The following ULK3 variants were observed in gnomAD, a reference collection of about 807,000 sequenced individuals.
ULK3 encodes the protein serine/threonine-protein kinase ULK3.
Under a neutral mutation model 69.4 loss-of-function variants are expected in ULK3, and 54 were observed. The observed-to-expected ratio is 0.78, with a 90% confidence interval of 0.63 to 0.98. The LOEUF (loss-of-function observed/expected upper bound fraction) is 0.98. Among genes scored for constraint, ULK3 ranks in the 50% least tolerant of loss-of-function variants. ULK3 has a pLI of 0.00. For missense variants in ULK3, 558 were observed against 627.7 expected (o/e 0.89, Z 1.19); for synonymous variants, 240 against 254.5 (o/e 0.94, Z 0.54).
chr15:74,842,905 C>T lies in ULK3; in HGVS notation c.102+99G>A. On this transcript the variant is annotated intron_variant, in intron 1 of 15. Coordinates refer to ENST00000440863, the MANE Select transcript of ULK3 (RefSeq NM_001099436.4). This position sits in a 1 kb window ranked among gnomAD's most constrained non-coding sequence, Gnocchi z 4.9. ...GCTGGGGCGAGGCCGGCCTCCCGCC[C>T]CTAACTATTCCCACACTGTCGCTAA... 2 of 1,395,568 alleles carry T rather than the reference C, an allele frequency of 1.4e-6. No homozygotes were observed. Among genetic ancestry groups the T allele is most frequent in the African/African-American group, 1.4e-5 (1 of 69,448 alleles). 86.4% of individuals were successfully genotyped at this position (1,395,568 alleles called of 1,614,324 possible). A position where few individuals can be genotyped will look rare whatever the true frequency, so the allele number is the denominator to read the frequency against.
chr15:74,838,409 A>ACCCAC, intron 11 of ULK3, 31 bp downstream of exon 11: 3 of 1,563,640 alleles, frequency 1.9e-6, no homozygotes, highest in Non-Finnish European at 2.6e-6. Context: ...CCCTGCCCCG[A>ACCCAC]CCCACCTGGA....
At position 74,838,739 on chromosome 15, in the gene ULK3, G is replaced by T; in HGVS notation, c.1006C>A (p.Gln336Lys). The T allele has an allele frequency of 6.2e-7, 1 of 1,605,748 alleles. No individual in the cohort carries two copies. ...AGCTCCTCAGCCCGGGACACGTACT[G>T]CCCCACCTGTAGCAGGGAAAGGGCC... ...RKEAIKAKVG[Q>K]YVSRAEELKA... Residue 336 changes from glutamine to lysine, a missense_variant, in exon 10 of 16, where the codon CAG becomes AAG. Physicochemically the swap from Gln to Lys is moderately conservative, Grantham distance 53. Coordinates refer to ENST00000440863, the MANE Select transcript of ULK3 (RefSeq NM_001099436.4).
Position 74,842,972 on chromosome 15 carries a change from G to C in ULK3, c.102+32C>G. 6.5e-7 allele frequency: 1 copy of C among 1,538,668 alleles called. No homozygotes were observed. On this transcript the variant is annotated intron_variant, in intron 1 of 15. Transcript: ENST00000440863. This position sits in a 1 kb window ranked among gnomAD's most constrained non-coding sequence, Gnocchi z 4.9. ...CGGCCGGCACCAGCCGAGCTAGCTCGGGCGGGCACGGGGCCATCGGCCGGC... is the reference window on the plus strand; with the variant it reads ...CGGCCGGCACCAGCCGAGCTAGCTCCGGCGGGCACGGGGCCATCGGCCGGC...
Position 74,840,598 on chromosome 15 carries a change from G to A in ULK3, c.513C>T (p.His171=), listed in dbSNP as rs767576893. ...AQHMSPWDEK[H]VLRGSPLYMA... ...TGTAGAGGGGGGAGCCACGGAGCACGTGCTTCTCATCCCACGGGGACATGT... is the reference window on the plus strand; with the variant it reads ...TGTAGAGGGGGGAGCCACGGAGCACATGCTTCTCATCCCACGGGGACATGT... Residue 171 remains histidine (H), a synonymous_variant, in exon 5 of 16, where the codon CAC becomes CAT. Coordinates refer to ENST00000440863, the MANE Select transcript of ULK3 (RefSeq NM_001099436.4). The A allele has an allele frequency of 1.0e-5, 16 of 1,604,024 alleles. No homozygotes were observed. The highest frequency in any genetic ancestry group is 3.3e-5 in the South Asian group (3 of 89,952).
chr15:74,840,718 C>G, intron 4 of ULK3, 77 bp from the exon 5 acceptor site: 1 of 1,484,740 alleles, frequency 6.7e-7, no homozygotes, highest in Non-Finnish European at 8.9e-7. Context: ...TCACCCCAGG[C>G]TCCTCTCCAC....
At position 74,840,492 on chromosome 15, in the gene ULK3, T is replaced by A; in HGVS notation, c.613+6A>T. Reference sequence around the variant, plus strand: ...CAGGGTGAGAAGCAGGGAAAAGAGGTCTCACCATACAGGATGACCCCCATG... The same window carrying A: ...CAGGGTGAGAAGCAGGGAAAAGAGGACTCACCATACAGGATGACCCCCATG... On this transcript the variant is annotated splice_donor_region_variant and intron_variant, in intron 5 of 15. Coordinates refer to ENST00000440863, the MANE Select transcript of ULK3 (RefSeq NM_001099436.4). 6.2e-7 allele frequency: 1 copy of A among 1,602,486 alleles called. No individual in the cohort carries two copies. Among genetic ancestry groups the A allele is most frequent in the Non-Finnish European group, 8.5e-7 (1 of 1,175,062 alleles).
rs2064271324 is a variant in ULK3 at position 74,842,047 on chromosome 15, G to A, written c.364+28C>T. On this transcript the variant is annotated intron_variant, in intron 3 of 15. Transcript: ENST00000440863. The surrounding 1 kb of genome is among the most constrained non-coding windows in gnomAD (Gnocchi z 4.9). ...TGGGGGGCAGAGAACAAGGGACAGAGTGTCAGGCTGGTGTCACAGGCCTTT... is the reference window on the plus strand; with the variant it reads ...TGGGGGGCAGAGAACAAGGGACAGAATGTCAGGCTGGTGTCACAGGCCTTT... 3.1e-6 allele frequency: 5 copies of A among 1,613,130 alleles called. No homozygotes were observed. Among genetic ancestry groups the A allele is most frequent in the Non-Finnish European group, 3.4e-6 (4 of 1,179,824 alleles).
In ULK3 at chr15:74,843,117, G is replaced by A. The variant is rs1205493813; in HGVS notation, c.-12C>T. ...CCGGGCCCCGCCATTCCGGCCGCCT[G>A]CGCCCGCGCGGGCGCTTCCTCGCTG... On this transcript the variant is annotated 5_prime_UTR_variant, in exon 1 of 16. Coordinates refer to ENST00000440863, the MANE Select transcript of ULK3 (RefSeq NM_001099436.4). 3.1e-6 allele frequency: 4 copies of A among 1,271,998 alleles called. No homozygotes were observed. The South Asian group carries it at 9.1e-5, about 29-fold the overall frequency. 78.8% of individuals were successfully genotyped at this position (1,271,998 alleles called of 1,614,324 possible). A position where few individuals can be genotyped will look rare whatever the true frequency, so the allele number is the denominator to read the frequency against.
chr15:74,839,875 C>A (rs954477265), intron 6 of ULK3, among the ~76,000 whole-genome samples, 162 bp from the exon 7 acceptor site: 1 of 152,116 alleles, frequency 6.6e-6, no homozygotes, highest in Non-Finnish European at 1.5e-5. Flanking sequence ...CAGCGGGGAG[C>A]GAGGCCTCCA....
In ULK3 at chr15:74,843,075, G is replaced by C; in HGVS notation, c.31C>G (p.Leu11Val). 2 of 1,420,320 alleles carry C rather than the reference G, an allele frequency of 1.4e-6. No homozygotes were observed. The highest frequency in any genetic ancestry group is 1.9e-6 in the Non-Finnish European group (2 of 1,077,028). 88.0% of individuals were successfully genotyped at this position (1,420,320 alleles called of 1,614,324 possible). The change falls in exon 1 of 16, where the codon CTG becomes GTG. Residue 11 changes from leucine to valine, a missense_variant. Physicochemically the swap from Leu to Val is conservative, Grantham distance 32. Transcript: ENST00000440863. ...CGCTCGGTGAGGATGAAGCCGTCCAGGCGCGGGGGACCCCAGCCGGGCCCC... is the reference window on the plus strand; with the variant it reads ...CGCTCGGTGAGGATGAAGCCGTCCACGCGCGGGGGACCCCAGCCGGGCCCC... MAGPGWGPPR[L>V]DGFILTERLG...
chr15:74,840,855 TCC>T, intron 4 of ULK3: 1 of 604,104 alleles, frequency 1.7e-6, no homozygotes. Context: ...GGGCACCTTT[TCC>T]TAGGAAGCCC....
In ULK3 at chr15:74,840,333, G is replaced by C. The variant is rs1463895156; in HGVS notation, c.614-17C>G. On this transcript the variant is annotated splice_polypyrimidine_tract_variant and intron_variant, in intron 5 of 15. Transcript: ENST00000440863. The stretch of plus-strand genomic sequence containing the variant: ...AGAGGGCTTCTGTGGAAGGGAGGCA[G>C]AGCGGAGGCTGGGAGGGAATGGGTC... The C allele has an allele frequency of 5.6e-6, 9 of 1,603,978 alleles. No individual in the cohort carries two copies. The highest frequency in any genetic ancestry group is 7.7e-6 in the Non-Finnish European group (9 of 1,175,576).
At chr15:74,837,643 AGAG>A in intron 14 of ULK3, 105 bp downstream of exon 14, 1 of 1,372,498 alleles carries the variant, frequency 7.3e-7, no homozygotes. Flanking sequence ...GGAGGCCTGC[AGAG>A]GAGGCGAGAG....
At chr15:74,839,937 G>A (rs917279046) in intron 6 of ULK3, among the ~76,000 whole-genome samples, 1 of 152,152 alleles carries the variant, frequency 6.6e-6, no homozygotes, top group African/African-American at 2.4e-5. Flanking sequence ...AGCTAGAATC[G>A]TGTTTCTGGG....
rs764157420 is a variant in ULK3, at chr15:74,842,103, C to G, written c.336G>C (p.Lys112Asn). 49 of 1,613,836 alleles carry G rather than the reference C, an allele frequency of 3.0e-5. No individual in the cohort carries two copies. The South Asian group carries it at 5.0e-4, about 17-fold the overall frequency. ...FIHTRRILPE[K>N]VARVFMQQLA... ...ATTGCTGCATGAAGACACGCGCCAC[C>G]TTCTCAGGCAGAATCCTGCGGGTAT... Residue 112 changes from lysine (K) to asparagine (N), a missense_variant, in exon 3 of 16, where the codon AAG becomes AAC. Transcript: ENST00000440863. The surrounding 1 kb of genome is among the most constrained non-coding windows in gnomAD (Gnocchi z 4.9).
At chr15:74,841,617 G>A (rs575590371) in intron 3 of ULK3, 108 bp from the exon 4 acceptor site, 113 of 891,386 alleles carry the variant, frequency 1.3e-4, no homozygotes, top group African/African-American at 1.2e-3. Context: ...CCCAGTTCCT[G>A]CCTGGCTGGT....
intron 4 of ULK3, 71 bp from the exon 5 acceptor site, chr15:74,840,712 C>G (rs2064216513): frequency 2.0e-6 from 3 of 1,495,600 alleles, no homozygotes. Flanking sequence ...AAAGCCTCAC[C>G]CCAGGCTCCT....
chr15:74,842,550 A>C lies in ULK3; in HGVS notation c.103-130T>G. ...CCGGGTCTACCTACTGCACACCAGC[A>C]CCGGGCTTCCCAGCTTTCCCTTGTG... On this transcript the variant is annotated intron_variant, in intron 1 of 15. Coordinates refer to ENST00000440863, the MANE Select transcript of ULK3 (RefSeq NM_001099436.4). The surrounding 1 kb of genome is among the most constrained non-coding windows in gnomAD (Gnocchi z 4.9). 1 of 1,591,752 alleles carries C rather than the reference A, an allele frequency of 6.3e-7. No individual in the cohort carries two copies. Among genetic ancestry groups the C allele is most frequent in the South Asian group, 1.1e-5 (1 of 90,554 alleles).
At position 74,842,825 on chromosome 15, in the gene ULK3, G is replaced by A. The variant is rs968420345; in HGVS notation, c.102+179C>T. 2.2e-5 allele frequency: 31 copies of A among 1,378,550 alleles called. No homozygotes were observed. Among genetic ancestry groups the A allele is most frequent in the Admixed American group, 6.9e-5 (3 of 43,294 alleles). 85.4% of individuals were successfully genotyped at this position (1,378,550 alleles called of 1,614,324 possible). ...CCACTGACCCTGCAGGTGGGTGCAG[G>A]TGCGCTCTTTAAGACCTAAGCGTGG... On this transcript the variant is annotated intron_variant, in intron 1 of 15. Coordinates refer to ENST00000440863, the MANE Select transcript of ULK3 (RefSeq NM_001099436.4). The surrounding 1 kb of genome is among the most constrained non-coding windows in gnomAD (Gnocchi z 4.9).
Sources: allele counts gnomAD v4.1 joint callset (sites outside exome capture counted in the v4.1 genomes callset), GRCh38; gene constraint gnomAD v4.1.1; non-coding constraint Gnocchi (gnomAD v3.1); transcripts MANE v1.5; gene names NCBI Gene and HGNC (gene_info 2026-07-23, HGNC 2026-07-21).